The following IKZF4 variants were observed in gnomAD, a reference collection of about 807,000 sequenced individuals.
The protein encoded by IKZF4 is IKAROS family zinc finger 4, also known as zinc finger protein Eos.
A neutral mutation model predicts 47.7 loss-of-function variants in IKZF4; 11 were observed. The ratio of observed to expected loss-of-function variants is 0.23; its 90% CI spans 0.15 to 0.38. The LOEUF is 0.38. Among genes scored for constraint, IKZF4 ranks in the 10% least tolerant of loss-of-function variants. IKZF4 has a pLI of 1.00. For missense variants in IKZF4, 557 were observed against 784.9 expected, an observed-to-expected ratio of 0.71 and a Z score of 3.47; for synonymous variants, 298 against 299.4, an observed-to-expected ratio of 1.00 and a Z score of 0.05.
intron 1 of IKZF4, chr12:56,010,085 AAGAT>A (rs1891163327): frequency 6.6e-6 from 1 of 152,026 alleles, no homozygotes; most frequent in African/African-American, 2.4e-5. Flanking sequence ...AAGAAAAAGA[AAGAT>A]AGGTATTTCT....
intron 2 of IKZF4, chr12:56,024,107 T>C (rs1345678572): frequency 4.6e-6 from 1 of 217,368 alleles, no homozygotes; most frequent in East Asian, 1.8e-4. Context: ...TATCTTCCTT[T>C]AGGTATGTTA....
intron 5 of IKZF4, among the ~76,000 whole-genome samples, chr12:56,031,949 TAGAGAGAC>T (rs1215723676): frequency 6.6e-6 from 1 of 152,070 alleles, no homozygotes; most frequent in African/African-American, 2.4e-5. Flanking sequence ...TATCTCAGCG[TAGAGAGAC>T]AGAGAGACAA....
rs1030098615 is a variant in IKZF4, at chr12:56,027,796, T to C, written c.564T>C (p.His188=). The C allele has an allele frequency of 6.2e-6, 10 of 1,613,194 alleles. No individual in the cohort carries two copies. The highest frequency in any genetic ancestry group is 1.1e-5 in the South Asian group (1 of 90,850). The change falls in exon 5 of 8, where the codon CAT becomes CAC. Residue 188 remains histidine (H), a synonymous_variant. Transcript: ENST00000547167. The part of the protein sequence containing the change: ...KRSHTGERPF[H]CNQCGASFTQ... ...CACTTGCAGGTGAAAGGCCCTTCCA[T>C]TGCAACCAGTGTGGTGCCTCCTTCA...
At chr12:56,019,349 T>C, upstream of IKZF4, 3 of 984,874 alleles carry the variant, frequency 3.0e-6, no homozygotes, top group Non-Finnish European at 2.4e-6. Context: ...TGGCATGCAC[T>C]AAAGGAGATA....
chr12:56,016,927 A>G (rs1009294853), upstream of IKZF4, among the ~76,000 whole-genome samples: 7 of 151,564 alleles, frequency 4.6e-5, no homozygotes, highest in African/African-American at 1.5e-4. Context: ...ACGGGGTTTC[A>G]CCATGTTGGC....
At chr12:56,033,527 GA>G (rs1266970239) in intron 7 of IKZF4, among the ~76,000 whole-genome samples, 1 of 152,108 alleles carries the variant, frequency 6.6e-6, no homozygotes, top group African/African-American at 2.4e-5. Context: ...TTAACACAGT[GA>G]AACCCCCTCT....
intron 2 of IKZF4, among the ~76,000 whole-genome samples, chr12:56,014,645 G>A (rs911420712): frequency 6.6e-6 from 1 of 152,086 alleles, no homozygotes; most frequent in Non-Finnish European, 1.5e-5. Context: ...TAGAACCAGG[G>A]AAAAAGCCGA....
chr12:56,035,615 A>C lies in IKZF4; in HGVS notation c.*284A>C. ...TAGTTGATTTATTTTTGCCTTTTTAAATTTTAACTTATATCAGTCACTTGC... is the reference window on the plus strand; with the variant it reads ...TAGTTGATTTATTTTTGCCTTTTTACATTTTAACTTATATCAGTCACTTGC... On this transcript the variant is annotated 3_prime_UTR_variant, in exon 8 of 8. Transcript: ENST00000547167. This position sits in a 1 kb window ranked among gnomAD's most constrained non-coding sequence, Gnocchi z 6.1. 1 of 315,244 alleles carries C rather than the reference A, an allele frequency of 3.2e-6. No individual in the cohort carries two copies. Among genetic ancestry groups the C allele is most frequent in the Non-Finnish European group, 5.8e-6 (1 of 171,104 alleles). The allele number at this position is 315,244 out of a possible 1,614,324, so 19.5% of individuals were successfully genotyped here. A position where few individuals can be genotyped will look rare whatever the true frequency, so the allele number is the denominator to read the frequency against.
chr12:56,014,774 C>G (rs371932801), intron 2 of IKZF4, among the ~76,000 whole-genome samples: 13 of 151,538 alleles, frequency 8.6e-5, no homozygotes, highest in African/African-American at 3.2e-4. Flanking sequence ...AGCGAGACTC[C>G]GTCTCAAAAA....
chr12:56,026,301 T>C (rs527500565), intron 3 of IKZF4, among the ~76,000 whole-genome samples: 5 of 152,150 alleles, frequency 3.3e-5, no homozygotes, highest in South Asian at 2.1e-4. Context: ...CAGGTTCCAG[T>C]AGGATTCTGA....
upstream of IKZF4, among the ~76,000 whole-genome samples, chr12:56,017,275 G>A (rs1049034040): frequency 8.3e-6 from 1 of 120,786 alleles, no homozygotes; most frequent in African/African-American, 3.3e-5. Flanking sequence ...GCGTGGTAGA[G>A]TAATTGATGA....
rs1413385090 is a variant in IKZF4 at position 56,036,353 on chromosome 12, C to T, written c.*1022C>T. 6.6e-6 allele frequency: 1 copy of T among 152,418 alleles called. No individual in the cohort carries two copies. Among genetic ancestry groups the T allele is most frequent in the Non-Finnish European group, 1.5e-5 (1 of 67,942 alleles). 9.4% of individuals were successfully genotyped at this position (152,418 alleles called of 1,614,324 possible). Reference sequence around the variant, plus strand: ...AAACTTCTTCACTATAGTGACCTTCCTAGGCTCTCAGGGGCTCCTTCAGTC... The same window carrying T: ...AAACTTCTTCACTATAGTGACCTTCTTAGGCTCTCAGGGGCTCCTTCAGTC... On this transcript the variant is annotated 3_prime_UTR_variant, in exon 8 of 8. Transcript: ENST00000547167.
chr12:56,017,230 C>T (rs1199928040), upstream of IKZF4, among the ~76,000 whole-genome samples: 2 of 128,456 alleles, frequency 1.6e-5, no homozygotes, highest in African/African-American at 5.8e-5. Context: ...GACTCCCCCC[C>T]CGCCCCCCCC....
chr12:56,032,634 G>A lies in IKZF4; in HGVS notation c.789G>A (p.Leu263=). 6.2e-7 allele frequency: 1 copy of A among 1,614,032 alleles called. No homozygotes were observed. The highest frequency in any genetic ancestry group is 8.5e-7 in the Non-Finnish European group (1 of 1,179,894). The change falls in exon 6 of 8, where the codon CTG becomes CTA. Residue 263 remains leucine, a synonymous_variant. Transcript: ENST00000547167. The stretch of plus-strand genomic sequence containing the variant: ...GGAGCTACAAACAGCAGAGTACCCT[G>A]GAGGAGCACAAGGAGCGGTGCCATA... ...CGRSYKQQST[L]EEHKERCHNY...
At chr12:56,028,322 G>A (rs967659916) in intron 5 of IKZF4, among the ~76,000 whole-genome samples, 11 of 151,166 alleles carry the variant, frequency 7.3e-5, no homozygotes, top group Non-Finnish European at 1.3e-4. Context: ...TCAGGAGATC[G>A]AGACCATCCT....
rs1328434042 is a variant in IKZF4 at position 56,021,080 on chromosome 12, C to T, written c.-414C>T. On this transcript the variant is annotated 5_prime_UTR_variant, in exon 1 of 8. Transcript: ENST00000547167. ...CTCTCAGGCATTTGTTGTGCAGTTC[C>T]TCTTTGTCTGCTGGGCACGAGGGGC... The T allele has an allele frequency of 1.3e-5, 17 of 1,320,762 alleles. No homozygotes were observed. The highest frequency in any genetic ancestry group is 1.5e-5 in the Non-Finnish European group (16 of 1,032,426). The allele number at this position is 1,320,762 out of a possible 1,614,324, so 81.8% of individuals were successfully genotyped here.
rs560405270 is a variant in IKZF4 at position 56,024,762 on chromosome 12, C to T, written c.182-292C>T. The T allele has an allele frequency of 2.8e-5, 36 of 1,266,122 alleles. No homozygotes were observed. The African/African-American group carries it at 3.4e-4, about 12-fold the overall frequency. The allele number at this position is 1,266,122 out of a possible 1,614,324, so 78.4% of individuals were successfully genotyped here. A position where few individuals can be genotyped will look rare whatever the true frequency, so the allele number is the denominator to read the frequency against. ...GCCCCCATTTTCCTCTCCGCCCTGG[C>T]GCACCCAGCCTCAGCCCTGCTTCCT... On this transcript the variant is annotated intron_variant, in intron 2 of 7. Coordinates refer to ENST00000547167, the MANE Select transcript of IKZF4 (RefSeq NM_022465.4).
At chr12:56,019,725 A>G (rs1246033498), upstream of IKZF4, among the ~76,000 whole-genome samples, 1 of 152,188 alleles carries the variant, frequency 6.6e-6, no homozygotes, top group African/African-American at 2.4e-5. Flanking sequence ...GCAAATGAGA[A>G]ACTACAAATC....
intron 5 of IKZF4, among the ~76,000 whole-genome samples, chr12:56,031,350 A>G (rs1894884420): frequency 6.6e-6 from 1 of 152,230 alleles, no homozygotes; most frequent in Non-Finnish European, 1.5e-5. Flanking sequence ...AAAATATCAT[A>G]TGTATCTCAT....
Sources: allele counts gnomAD v4.1 joint callset (sites outside exome capture counted in the v4.1 genomes callset), GRCh38; gene constraint gnomAD v4.1.1; non-coding constraint Gnocchi (gnomAD v3.1); transcripts MANE v1.5; gene names NCBI Gene and HGNC (gene_info 2026-07-23, HGNC 2026-07-21).